Variants in PCBP3 observed in about 807,000 individuals in gnomAD.
PCBP3 encodes the protein poly(rC) binding protein 3, also known as poly(rC)-binding protein 3.
Under a neutral mutation model 52.7 loss-of-function variants are expected in PCBP3, and 25 were observed. The ratio of observed to expected loss-of-function variants is 0.47; its 90% CI spans 0.35 to 0.66. PCBP3 has a LOEUF of 0.66. Ranked by LOEUF, PCBP3 falls within the 30% of genes least tolerant of loss-of-function variation. PCBP3 has a pLI of 0.01. For missense variants in PCBP3, 391 were observed against 490.3 expected (o/e 0.80, Z 1.91); for synonymous variants, 162 against 183.0 (o/e 0.89, Z 0.93).
At position 45,762,491 on chromosome 21, in the gene PCBP3, C is replaced by CTTTTTTTTTTTTTTTTTTTTTTTT. The variant is rs374275789; in HGVS notation, c.-126+7055_-126+7056insTTTTTTTTTTTTTTTTTTTTTTTT. ...TCACCTTTTTCTTTTCTTTTCTTCT[C>CTTTTTTTTTTTTTTTTTTTTTTTT]TTTTTTTTTTTTTTTTGAGACAGAG... On this transcript the variant is annotated intron_variant, in intron 4 of 17. Transcript: ENST00000681687. 19 of 104,666 alleles carry CTTTTTTTTTTTTTTTTTTTTTTTT rather than the reference C, an allele frequency of 1.8e-4. 2 individuals are homozygous for CTTTTTTTTTTTTTTTTTTTTTTTT. The highest frequency in any genetic ancestry group is 7.9e-4 in the East Asian group (2 of 2,532). 6.5% of individuals were successfully genotyped at this position (104,666 alleles called of 1,614,324 possible). A position where few individuals can be genotyped will look rare whatever the true frequency, so the allele number is the denominator to read the frequency against.
chr21:45,767,394 C>T (rs1232802421), intron 4 of PCBP3, among the ~76,000 whole-genome samples: 1 of 152,204 alleles, frequency 6.6e-6, no homozygotes, highest in Admixed American at 6.5e-5. Flanking sequence ...CTTTTTATGG[C>T]TGAATCATGT....
chr21:45,797,758 A>ATGTG, intron 4 of PCBP3, among the ~76,000 whole-genome samples: 1 of 534 alleles, frequency 1.9e-3, no homozygotes, highest in African/African-American at 0.011. Context: ...GAGAGAGTGA[A>ATGTG]TGGATGTGCA....
intron 4 of PCBP3, among the ~76,000 whole-genome samples, chr21:45,810,218 CTG>C (rs149677854): frequency 2.0e-3 from 290 of 148,122 alleles, no homozygotes; most frequent in South Asian, 3.3e-3. Context: ...TGATTCGATT[CTG>C]TGTGTGTGTG....
At chr21:45,774,118 T>A (rs1248957749) in intron 4 of PCBP3, among the ~76,000 whole-genome samples, 1 of 152,132 alleles carries the variant, frequency 6.6e-6, no homozygotes, top group Non-Finnish European at 1.5e-5. Flanking sequence ...CTAAAAGTTT[T>A]ATGGGGCCGG....
At chr21:45,722,583 A>G (rs2084730454) in intron 2 of PCBP3, among the ~76,000 whole-genome samples, 1 of 152,220 alleles carries the variant, frequency 6.6e-6, no homozygotes, top group African/African-American at 2.4e-5. Context: ...TTCTTTGACT[A>G]TTAACAAATA....
chr21:45,667,001 A>G lies in PCBP3; in HGVS notation c.-278-1873A>G, dbSNP rs1054574903. Among the ~76,000 whole-genome samples the G allele has an allele frequency of 4.0e-5, 6 of 151,808 alleles. No homozygotes were observed. The East Asian group carries it at 5.8e-4, about 15-fold the overall frequency. On this transcript the variant is annotated intron_variant, in intron 1 of 17. Coordinates refer to ENST00000681687, the MANE Select transcript of PCBP3 (RefSeq NM_001384156.1). The stretch of plus-strand genomic sequence containing the variant: ...TTCCATCAGATCTGGGAGGTTTTCA[A>G]TTATAATCCTTTCATATATTCTTTG...
intron 4 of PCBP3, among the ~76,000 whole-genome samples, chr21:45,798,585 GTAC>G (rs2092132326): frequency 1.4e-5 from 2 of 144,566 alleles, no homozygotes; most frequent in African/African-American, 5.1e-5. Context: ...GAATGGATGT[GTAC>G]ATGGATGAAT....
chr21:45,739,959 C>T (rs926739284), intron 3 of PCBP3, among the ~76,000 whole-genome samples: 2 of 152,234 alleles, frequency 1.3e-5, no homozygotes, highest in African/African-American at 4.8e-5. Flanking sequence ...TCTAATTTCA[C>T]AGCCAAGGGC....
rs547590932 is a variant in PCBP3 at position 45,832,160 on chromosome 21, C to G, written c.-125-17801C>G. On this transcript the variant is annotated intron_variant, in intron 4 of 17. Transcript: ENST00000681687. ...TCATGAGTGTTCTGGGAAAGGCATG[C>G]GCAATTCCTGGAGCTGAGGGGATTT... Among the ~76,000 whole-genome samples the G allele has an allele frequency of 2.0e-5, 3 of 152,276 alleles. No individual in the cohort carries two copies. In the East Asian group the frequency reaches 5.8e-4, roughly 29 times the overall value.
At chr21:45,866,434 G>A (rs1292815873) in intron 5 of PCBP3, among the ~76,000 whole-genome samples, 5 of 152,254 alleles carry the variant, frequency 3.3e-5, no homozygotes, top group Non-Finnish European at 1.5e-5. Flanking sequence ...TGGAACGTGA[G>A]AGGAGAAGGG....
intron 13 of PCBP3, among the ~76,000 whole-genome samples, chr21:45,929,337 G>A (rs2075873743): frequency 6.6e-6 from 1 of 152,166 alleles, no homozygotes. Flanking sequence ...GCTTCTGGAG[G>A]TGACTAAAAG....
chr21:45,770,693 C>A (rs1384020896), intron 4 of PCBP3, among the ~76,000 whole-genome samples: 4 of 152,242 alleles, frequency 2.6e-5, no homozygotes, highest in African/African-American at 9.6e-5. Flanking sequence ...TAGCAGGAGG[C>A]AGAGCCATCA....
rs139585722 is a variant in PCBP3, at chr21:45,655,009, A to G, written c.-279+11141A>G. On this transcript the variant is annotated intron_variant, in intron 1 of 17. Transcript: ENST00000681687. ...TCTGGCTTCTTTCACTTTGCATAAC[A>G]TTTTCAAGCTTTATCCATGTTGTAG... 2.1e-3 allele frequency among the ~76,000 whole-genome samples: 317 copies of G among 152,096 alleles called. 1 individual carries two copies. Among genetic ancestry groups the G allele is most frequent in the African/African-American group, 7.4e-3 (305 of 41,488 alleles).
intron 2 of PCBP3, among the ~76,000 whole-genome samples, chr21:45,731,922 AAAATTAAG>A (rs1383556757): frequency 6.6e-6 from 1 of 152,120 alleles, no homozygotes; most frequent in Non-Finnish European, 1.5e-5. Flanking sequence ...GCAATCTTAA[AAAATTAAG>A]AACAAAAGGC....
At chr21:45,722,972 C>T (rs1025941365) in intron 2 of PCBP3, among the ~76,000 whole-genome samples, 19 of 151,662 alleles carry the variant, frequency 1.3e-4, no homozygotes, top group Non-Finnish European at 4.4e-5. Context: ...TGATAGCGCA[C>T]CACTGCACTC....
chr21:45,742,422 C>T (rs894588010), intron 3 of PCBP3, among the ~76,000 whole-genome samples: 1 of 152,182 alleles, frequency 6.6e-6, no homozygotes, highest in Non-Finnish European at 1.5e-5. Flanking sequence ...ACAATAATGT[C>T]GTTTTCCCCC....
At chr21:45,789,657 G>T (rs1472950405) in intron 4 of PCBP3, among the ~76,000 whole-genome samples, 1 of 152,210 alleles carries the variant, frequency 6.6e-6, no homozygotes, top group African/African-American at 2.4e-5. Context: ...AGCATCAGGG[G>T]CTGAGTTCCA....
intron 4 of PCBP3, among the ~76,000 whole-genome samples, chr21:45,847,281 C>G (rs1218851102): frequency 6.6e-6 from 1 of 152,094 alleles, no homozygotes; most frequent in African/African-American, 2.4e-5. Flanking sequence ...AGTCTATGAG[C>G]TTATTCTACA....
chr21:45,665,052 T>C (rs554457130), intron 1 of PCBP3, among the ~76,000 whole-genome samples: 8 of 152,032 alleles, frequency 5.3e-5, no homozygotes, highest in Non-Finnish European at 1.0e-4. Context: ...TTTGTAGCTA[T>C]CACAAATGAA....
Sources: allele counts gnomAD v4.1 joint callset (sites outside exome capture counted in the v4.1 genomes callset), GRCh38; gene constraint gnomAD v4.1.1; transcripts MANE v1.5; gene names NCBI Gene and HGNC (gene_info 2026-07-23, HGNC 2026-07-21).